HDAC4: variants seen among roughly 807,000 people sequenced by gnomAD.
HDAC4 encodes histone deacetylase 4, also known as histone deacetylase A.
In HDAC4, 16 loss-of-function variants were observed where a neutral mutation model predicts 135.1. That is an observed-to-expected ratio of 0.12 (90% CI 0.08 to 0.18). The LOEUF (loss-of-function observed/expected upper bound fraction) is 0.18, where lower values mean the gene tolerates loss of function less well. Ranked by LOEUF, HDAC4 falls within the 10% of genes least tolerant of loss-of-function variation. HDAC4 has a pLI of 1.00. For missense variants in HDAC4, 1,143 were observed against 1,511.8 expected (o/e 0.76, Z 4.05); for synonymous variants, 685 against 653.4 (o/e 1.05, Z -0.74).
intron 21 of HDAC4, 112 bp downstream of exon 21, chr2:239,081,990 C>G (rs1370324082): frequency 5.1e-6 from 6 of 1,174,232 alleles, no homozygotes; most frequent in Non-Finnish European, 6.2e-6. Context: ...TAAGTGAGCA[C>G]GAAGGCCGCA....
At chr2:239,213,166 A>G (rs1303584827) in intron 3 of HDAC4, among the ~76,000 whole-genome samples, 1 of 151,466 alleles carries the variant, frequency 6.6e-6, no homozygotes, top group Non-Finnish European at 1.5e-5. Context: ...AAGGAAGGAC[A>G]AGAATGAGGA....
chr2:239,118,750 C>T (rs3791428), intron 12 of HDAC4, among the ~76,000 whole-genome samples: 29,238 of 151,970 alleles, frequency 0.19, 3,005 homozygotes, highest in East Asian at 0.33. Context: ...TTCACAAAGC[C>T]GGGGAGAAAC....
intron 3 of HDAC4, among the ~76,000 whole-genome samples, chr2:239,226,136 A>G (rs1294970127): frequency 3.3e-5 from 5 of 152,178 alleles, no homozygotes; most frequent in Non-Finnish European, 5.9e-5. Flanking sequence ...TACAGTCCAC[A>G]GCCTTAAAGC....
intron 3 of HDAC4, among the ~76,000 whole-genome samples, chr2:239,227,429 CA>C (rs2047304508): frequency 2.0e-5 from 3 of 152,128 alleles, no homozygotes; most frequent in Admixed American, 2.0e-4. Flanking sequence ...GACACCATGC[CA>C]AGTGGGACCG....
intron 2 of HDAC4, among the ~76,000 whole-genome samples, chr2:239,330,061 A>T (rs1691463996): frequency 6.6e-6 from 1 of 152,252 alleles, no homozygotes; most frequent in African/African-American, 2.4e-5. Flanking sequence ...CTGCTGCTGC[A>T]GAGGCTGTGC....
At chr2:239,189,201 T>C (rs2044740663) in intron 4 of HDAC4, among the ~76,000 whole-genome samples, 1 of 152,254 alleles carries the variant, frequency 6.6e-6, no homozygotes, top group African/African-American at 2.4e-5. Context: ...TAAATGGTTC[T>C]AAATGCAGTG....
In HDAC4 at chr2:239,078,207, G is replaced by A. The variant is rs147551194; in HGVS notation, c.2750+2888C>T. Among the ~76,000 whole-genome samples, 1,011 of 152,294 alleles carry A rather than the reference G, an allele frequency of 6.6e-3. 8 individuals are homozygous for A. The highest frequency in any genetic ancestry group is 0.023 in the African/African-American group (966 of 41,560). The stretch of plus-strand genomic sequence containing the variant: ...CAACTTCAAAGCCGCGTCTGGCACC[G>A]GGACTGGTTTGAATTAAGGTTCCCT... On this transcript the variant is annotated intron_variant, in intron 22 of 26. Transcript: ENST00000543185.
rs1446979643 is a variant in HDAC4, at chr2:239,240,218, A to G, written c.23-3554T>C. Reference sequence around the variant, plus strand: ...AGGGGCCACCAGGCCTGGGAAAGACAGCTTTGGAACGGACCTAAACAAAGC... The same window carrying G: ...AGGGGCCACCAGGCCTGGGAAAGACGGCTTTGGAACGGACCTAAACAAAGC... On this transcript the variant is annotated intron_variant, in intron 2 of 26. Transcript: ENST00000543185. This position sits in a 1 kb window ranked among gnomAD's most constrained non-coding sequence, Gnocchi z 4.5. 3.9e-5 allele frequency among the ~76,000 whole-genome samples: 6 copies of G among 152,238 alleles called. No homozygotes were observed. Among genetic ancestry groups the G allele is most frequent in the Non-Finnish European group, 8.8e-5 (6 of 68,028 alleles).
rs1395561882 is a variant in HDAC4, at chr2:239,051,039, T to C, written c.*2058A>G. 1.3e-5 allele frequency: 2 copies of C among 152,614 alleles called. No homozygotes were observed. The highest frequency in any genetic ancestry group is 2.9e-5 in the Non-Finnish European group (2 of 68,042). The allele number at this position is 152,614 out of a possible 1,614,324, so 9.5% of individuals were successfully genotyped here. Reference sequence around the variant, plus strand: ...CATGCTCAAAAGGTCTTTGGAAAACTCAAGTTAGAATTCTATCCTGACGAT... The same window carrying C: ...CATGCTCAAAAGGTCTTTGGAAAACCCAAGTTAGAATTCTATCCTGACGAT... On this transcript the variant is annotated 3_prime_UTR_variant, in exon 27 of 27. Transcript: ENST00000543185.
At chr2:239,377,927 C>T (rs1695137393) in intron 1 of HDAC4, among the ~76,000 whole-genome samples, 2 of 152,132 alleles carry the variant, frequency 1.3e-5, no homozygotes, top group Non-Finnish European at 1.5e-5. Flanking sequence ...GTTTTACACC[C>T]ACCTCAAGGA....
At chr2:239,340,247 C>G (rs972496390) in intron 2 of HDAC4, among the ~76,000 whole-genome samples, 1 of 152,224 alleles carries the variant, frequency 6.6e-6, no homozygotes, top group Non-Finnish European at 1.5e-5. Flanking sequence ...AGCATGGACA[C>G]AGCCCCACCC....
chr2:239,103,893 G>A (rs556110966), intron 15 of HDAC4, among the ~76,000 whole-genome samples: 158 of 152,376 alleles, frequency 1.0e-3, no homozygotes, highest in African/African-American at 3.5e-3. Context: ...AAGAAGGGGC[G>A]GAGCCAAGAA....
At chr2:239,090,816 C>T (rs2036441550) in intron 17 of HDAC4, among the ~76,000 whole-genome samples, 1 of 152,162 alleles carries the variant, frequency 6.6e-6, no homozygotes, top group African/African-American at 2.4e-5. Flanking sequence ...TACTTCTGGC[C>T]CCAAGCATTT....
At chr2:239,054,710 G>C in intron 25 of HDAC4, 39 bp downstream of exon 25, 1 of 1,327,798 alleles carries the variant, frequency 7.5e-7, no homozygotes, top group Non-Finnish European at 1.1e-6. Context: ...CCCACCCCCA[G>C]GGGCGTGTCC....
chr2:239,236,730 G>A (rs2047909741), intron 2 of HDAC4, 66 bp from the exon 3 acceptor site: 1 of 1,193,708 alleles, frequency 8.4e-7, no homozygotes, highest in Non-Finnish European at 1.2e-6. Flanking sequence ...CTTTATGCTG[G>A]GAGTCTGCAG....
At chr2:239,124,576 C>T (rs1301458742) in intron 12 of HDAC4, among the ~76,000 whole-genome samples, 11 of 128,896 alleles carry the variant, frequency 8.5e-5, no homozygotes, top group South Asian at 2.2e-4. Flanking sequence ...TCCAGTGTGC[C>T]GGCATGTGGC....
At chr2:239,111,838 G>T in intron 13 of HDAC4, 126 bp from the exon 14 acceptor site, 1 of 876,486 alleles carries the variant, frequency 1.1e-6, no homozygotes, top group Non-Finnish European at 1.8e-6. Flanking sequence ...CCACAAGGAT[G>T]CCGGGAGGCC....
At chr2:239,176,391 G>T (rs764276473) in intron 5 of HDAC4, 22 bp downstream of exon 5, 1 of 1,598,110 alleles carries the variant, frequency 6.3e-7, no homozygotes, top group African/African-American at 1.4e-5. Flanking sequence ...CCCTCTGCCT[G>T]GCCTTCCGTG....
chr2:239,285,380 C>T lies in HDAC4; in HGVS notation c.23-48716G>A, dbSNP rs1000070656. On this transcript the variant is annotated intron_variant, in intron 2 of 26. Transcript: ENST00000543185. This position sits in a 1 kb window ranked among gnomAD's most constrained non-coding sequence, Gnocchi z 4.5. Reference sequence around the variant, plus strand: ...TGAGCCGGTGCTCTTCCCTGGCATCCTGCACTTCCTGGGTAAGGAAGGAGA... The same window carrying T: ...TGAGCCGGTGCTCTTCCCTGGCATCTTGCACTTCCTGGGTAAGGAAGGAGA... 6.6e-6 allele frequency among the ~76,000 whole-genome samples: 1 copy of T among 152,202 alleles called. No homozygotes were observed. The highest frequency in any genetic ancestry group is 1.5e-5 in the Non-Finnish European group (1 of 68,016).
Sources: allele counts gnomAD v4.1 joint callset (sites outside exome capture counted in the v4.1 genomes callset), GRCh38; gene constraint gnomAD v4.1.1; non-coding constraint Gnocchi (gnomAD v3.1); transcripts MANE v1.5; gene names NCBI Gene and HGNC (gene_info 2026-07-23, HGNC 2026-07-21).